RASAL2: variants seen among roughly 807,000 people sequenced by gnomAD.
RASAL2 encodes RAS protein activator like 2, also known as ras GTPase-activating protein nGAP.
In RASAL2, 58 loss-of-function variants were observed where a neutral mutation model predicts 128.9. The ratio of observed to expected loss-of-function variants is 0.45; its 90% confidence interval spans 0.36 to 0.56. RASAL2 has a LOEUF of 0.56. Ranked by LOEUF, RASAL2 falls within the 20% of genes least tolerant of loss-of-function variation. The pLI, the probability that RASAL2 is intolerant of heterozygous loss-of-function variation, is 0.00. For missense variants in RASAL2, 1,360 were observed against 1,601.6 expected (o/e 0.85, Z 2.57); for synonymous variants, 561 against 580.8 (o/e 0.97, Z 0.49).
intron 1 of RASAL2, among the ~76,000 whole-genome samples, chr1:178,103,220 T>C (rs1658970032): frequency 6.6e-6 from 1 of 152,122 alleles, no homozygotes; most frequent in African/African-American, 2.4e-5. Flanking sequence ...ATCTCAGATA[T>C]ATTTTCCTTT....
chr1:178,225,981 T>C (rs1331055449), intron 1 of RASAL2, among the ~76,000 whole-genome samples: 3 of 152,148 alleles, frequency 2.0e-5, no homozygotes, highest in Non-Finnish European at 2.9e-5. Flanking sequence ...TTCAGGCAAA[T>C]GTTCTCATTT....
chr1:178,142,783 GGGAATTATTTCATGAATTAGT>G (rs1455598705), intron 1 of RASAL2, among the ~76,000 whole-genome samples: 1 of 152,108 alleles, frequency 6.6e-6, no homozygotes, highest in Non-Finnish European at 1.5e-5. Context: ...GTCCGAATCT[GGGAATTATTTCATGAATTAGT>G]GCCTTTATTA....
At position 178,420,512 on chromosome 1, in the gene RASAL2, G is replaced by T. The variant is rs1418842843; in HGVS notation, c.566G>T (p.Gly189Val). 1.9e-6 allele frequency: 3 copies of T among 1,603,756 alleles called. No homozygotes were observed. Among genetic ancestry groups the T allele is most frequent in the South Asian group, 1.1e-5 (1 of 90,208 alleles). The stretch of plus-strand genomic sequence containing the variant: ...ATCACCTTCTGCCTTTCCTTCTAGG[G>T]ATTCTTCAGCAAGCGCCTGAAAGGC... ...TANTSPFKVP[G>V]FFSKRLKGSI... The change falls in exon 5 of 18, where the codon GGA becomes GTA. Residue 189 changes from glycine (G) to valine (V), a missense_variant and splice_region_variant. Physicochemically the swap from Gly to Val is moderately radical, Grantham distance 109. Coordinates refer to ENST00000367649, the MANE Select transcript of RASAL2 (RefSeq NM_170692.4).
intron 5 of RASAL2, among the ~76,000 whole-genome samples, chr1:178,422,405 A>G (rs1675212983): frequency 6.6e-6 from 1 of 152,140 alleles, no homozygotes; most frequent in South Asian, 2.1e-4. Context: ...GTACAGCACA[A>G]TAAAAAAGTG....
intron 4 of RASAL2, among the ~76,000 whole-genome samples, chr1:178,403,492 GAAAACAGTAGTATA>G (rs1186222664): frequency 1.3e-5 from 2 of 152,112 alleles, no homozygotes; most frequent in Non-Finnish European, 2.9e-5. Context: ...CAAGGTAGGG[GAAAACAGTAGTATA>G]AATAAAAAGT....
intron 3 of RASAL2, among the ~76,000 whole-genome samples, chr1:178,307,371 G>T (rs1668047369): frequency 6.6e-6 from 1 of 151,960 alleles, no homozygotes; most frequent in South Asian, 2.1e-4. Context: ...AGAAAACCTA[G>T]GAAAAAACTA....
chr1:178,214,217 C>G (rs1025735113), intron 1 of RASAL2, among the ~76,000 whole-genome samples: 1 of 152,100 alleles, frequency 6.6e-6, no homozygotes, highest in Non-Finnish European at 1.5e-5. Flanking sequence ...CTATAGTGAA[C>G]GAGCTATCAT....
At chr1:178,241,428 G>T (rs1294453210) in intron 1 of RASAL2, among the ~76,000 whole-genome samples, 3 of 152,112 alleles carry the variant, frequency 2.0e-5, no homozygotes, top group South Asian at 2.1e-4. Context: ...CTTTATGTGT[G>T]AGGAGAAATA....
intron 3 of RASAL2, among the ~76,000 whole-genome samples, chr1:178,322,476 A>G (rs927045232): frequency 6.6e-6 from 1 of 152,128 alleles, no homozygotes; most frequent in South Asian, 2.1e-4. Flanking sequence ...GGTCGTCTGT[A>G]CTAGAATGTT....
At chr1:178,349,898 A>G (rs1670368179) in intron 3 of RASAL2, among the ~76,000 whole-genome samples, 1 of 152,224 alleles carries the variant, frequency 6.6e-6, no homozygotes, top group South Asian at 2.1e-4. Flanking sequence ...CAAATGGAAG[A>G]CGCCTAATAA....
chr1:178,283,701 A>T lies in RASAL2; in HGVS notation c.330+10A>T. 6.2e-7 allele frequency: 1 copy of T among 1,611,300 alleles called. No individual in the cohort carries two copies. Among genetic ancestry groups the T allele is most frequent in the Non-Finnish European group, 8.5e-7 (1 of 1,179,040 alleles). On this transcript the variant is annotated intron_variant, in intron 2 of 17. Coordinates refer to ENST00000367649, the MANE Select transcript of RASAL2 (RefSeq NM_170692.4). Reference sequence around the variant, plus strand: ...CAACAAGGAGAAGGAGGTGAGATGGATATTATTCAGGAAAGTTAGTTTCCT... The same window carrying T: ...CAACAAGGAGAAGGAGGTGAGATGGTTATTATTCAGGAAAGTTAGTTTCCT...
At chr1:178,257,008 C>A (rs1665382147) in intron 1 of RASAL2, among the ~76,000 whole-genome samples, 1 of 151,590 alleles carries the variant, frequency 6.6e-6, no homozygotes, top group African/African-American at 2.4e-5. Context: ...ATGAATAATC[C>A]AAAAATTTAA....
In RASAL2 at chr1:178,159,653, G is replaced by A. The variant is rs778609045; in HGVS notation, c.202+64959G>A. Among the ~76,000 whole-genome samples the A allele has an allele frequency of 9.2e-5, 14 of 152,090 alleles. No homozygotes were observed. In the South Asian group the frequency reaches 1.0e-3, roughly 11 times the overall value. ...TCCATAAAATGCTACTGTGGGCCGG[G>A]TGCGGTGACTCATGCCTGTAATCCC... On this transcript the variant is annotated intron_variant, in intron 1 of 17. Transcript: ENST00000367649.
At chr1:178,363,991 G>A (rs1277511755) in intron 3 of RASAL2, among the ~76,000 whole-genome samples, 1 of 151,924 alleles carries the variant, frequency 6.6e-6, no homozygotes, top group Non-Finnish European at 1.5e-5. Flanking sequence ...AGCTACTCGG[G>A]AGGCTGAGGC....
At chr1:178,354,322 A>G (rs949413644) in intron 3 of RASAL2, among the ~76,000 whole-genome samples, 1 of 152,226 alleles carries the variant, frequency 6.6e-6, no homozygotes, top group Non-Finnish European at 1.5e-5. Flanking sequence ...AAGAACTCTT[A>G]GCAAAACAAC....
intron 1 of RASAL2, among the ~76,000 whole-genome samples, chr1:178,209,110 C>T (rs1663166530): frequency 6.6e-6 from 1 of 151,676 alleles, no homozygotes; most frequent in Admixed American, 6.6e-5. Flanking sequence ...TCAAGTATGC[C>T]ATGATATCAA....
chr1:178,467,705 AAGG>A (rs1487908187), intron 17 of RASAL2, among the ~76,000 whole-genome samples: 1 of 152,214 alleles, frequency 6.6e-6, no homozygotes, highest in Non-Finnish European at 1.5e-5. Context: ...TCCCTATGGA[AAGG>A]AGGGCATTTT....
intron 2 of RASAL2, among the ~76,000 whole-genome samples, chr1:178,297,599 C>T (rs1184151336): frequency 8.0e-6 from 1 of 125,552 alleles, no homozygotes; most frequent in African/African-American, 3.5e-5. Context: ...AAGAGCAAGA[C>T]TCCATCTCAA....
At chr1:178,464,521 C>A in intron 15 of RASAL2, 109 bp downstream of exon 15, 1 of 1,289,626 alleles carries the variant, frequency 7.8e-7, no homozygotes, top group Non-Finnish European at 1.1e-6. Context: ...TCACCTCTAC[C>A]CCTTATGTTA....
Sources: gnomAD v4.1 joint callset for allele counts (sites outside exome capture counted in the v4.1 genomes callset) on GRCh38, gnomAD v4.1.1 for gene constraint, MANE v1.5 for transcripts, NCBI Gene and HGNC (gene_info 2026-07-23, HGNC 2026-07-21) for gene names.